Variants in C5 observed in about 807,000 individuals in gnomAD.
The protein encoded by C5 is complement C5.
A neutral mutation model predicts 218.8 loss-of-function variants in C5; 140 were observed. The observed-to-expected ratio is 0.64, with a 90% CI of 0.56 to 0.74. The LOEUF (loss-of-function observed/expected upper bound fraction) is 0.74, where lower values mean the gene tolerates loss of function less well. Among genes scored for constraint, C5 ranks in the 30% least tolerant of loss-of-function variants. The pLI is 0.00. For synonymous variants in C5, 614 were observed against 682.3 expected, an observed-to-expected ratio of 0.90 and a Z score of 1.56; for missense variants, 1,700 against 1,969.6, an observed-to-expected ratio of 0.86 and a Z score of 2.59.
At chr9:121,056,219 A>C in the C5 span, among the ~76,000 whole-genome samples, 1 of 152,258 alleles carries the variant, frequency 6.6e-6, no homozygotes, top group African/African-American at 2.4e-5. Context: ...CACAATTATC[A>C]AGAACATCCA....
chr9:120,993,424 T>C (rs990551206), intron 22 of C5, among the ~76,000 whole-genome samples: 2 of 151,904 alleles, frequency 1.3e-5, no homozygotes, highest in African/African-American at 4.8e-5. Flanking sequence ...AATAGAGTTA[T>C]ATATATATAT....
chr9:121,005,703 T>C (rs1335419886), intron 20 of C5, among the ~76,000 whole-genome samples: 2 of 152,216 alleles, frequency 1.3e-5, no homozygotes, highest in Admixed American at 1.3e-4. Context: ...ATTCTTTCAA[T>C]TGAAGTTACA....
At chr9:121,002,323 T>C (rs1464535223) in intron 20 of C5, among the ~76,000 whole-genome samples, 3 of 111,840 alleles carry the variant, frequency 2.7e-5, no homozygotes, top group African/African-American at 3.8e-5. Context: ...TGTGTATATA[T>C]ATATATATAT....
Position 120,989,623 on chromosome 9 carries a change from A to G in C5, c.3099T>C (p.Ile1033=). ...HYLETGNHWN[I]FHSDPLIEKQ... Reference sequence around the variant, plus strand: ...TTTCAATTAATGGGTCAGAATGAAAAATGTTCCAATGATTTCCTGTTTCCA... The same window carrying G: ...TTTCAATTAATGGGTCAGAATGAAAGATGTTCCAATGATTTCCTGTTTCCA... The change falls in exon 24 of 41, where the codon ATT becomes ATC. Residue 1033 remains isoleucine, a synonymous_variant. Coordinates refer to ENST00000223642, the MANE Select transcript of C5 (RefSeq NM_001735.3). 1 of 1,613,636 alleles carries G rather than the reference A, an allele frequency of 6.2e-7. No homozygotes were observed. The highest frequency in any genetic ancestry group is 8.5e-7 in the Non-Finnish European group (1 of 1,179,756).
intron 3 of C5, among the ~76,000 whole-genome samples, 157 bp from the exon 4 acceptor site, chr9:121,038,108 T>C (rs1488405816): frequency 6.6e-6 from 1 of 152,166 alleles, no homozygotes; most frequent in Non-Finnish European, 1.5e-5. Context: ...TGCAGACATA[T>C]ACATTACTAA....
intron 27 of C5, 53 bp from the exon 28 acceptor site, chr9:120,980,307 T>A: frequency 6.6e-7 from 1 of 1,505,824 alleles, no homozygotes; most frequent in Non-Finnish European, 9.2e-7. Context: ...CACCTATCAA[T>A]TGATATGAAC....
chr9:121,001,673 G>A (rs1276850897), intron 20 of C5, among the ~76,000 whole-genome samples: 1 of 152,050 alleles, frequency 6.6e-6, no homozygotes, highest in Non-Finnish European at 1.5e-5. Flanking sequence ...CTGTATAAGT[G>A]TTCATTGTAT....
chr9:120,995,881 C>T (rs545949782), intron 22 of C5, among the ~76,000 whole-genome samples: 16 of 149,504 alleles, frequency 1.1e-4, no homozygotes, highest in Middle Eastern at 3.5e-3. Flanking sequence ...TGCAGTGGCA[C>T]GATCTCAGCT....
chr9:121,041,675 G>A (rs1184105609), intron 3 of C5, among the ~76,000 whole-genome samples: 3 of 152,070 alleles, frequency 2.0e-5, no homozygotes, highest in African/African-American at 7.2e-5. Flanking sequence ...AAAGACTGAT[G>A]ACCCTTAGTT....
chr9:121,067,899 C>G, the C5 span, among the ~76,000 whole-genome samples: 17 of 152,238 alleles, frequency 1.1e-4, no homozygotes, highest in South Asian at 2.1e-3. Flanking sequence ...GTCAATTAAA[C>G]CTCTCTTCTT....
rs755663613 is a variant in C5, at chr9:120,952,803, G to A, written c.4967C>T (p.Ser1656Leu). The change falls in exon 41 of 41, where the codon TCG becomes TTG. Residue 1656 changes from serine (S) to leucine (L), a missense_variant. Physicochemically the swap from Ser to Leu is moderately radical, Grantham distance 145. Transcript: ENST00000223642. ...EYWPRDTTCSSCQAFLANLDE... is the reference protein window; with the variant it reads ...EYWPRDTTCSLCQAFLANLDE... ...TAAATTAGCTAAAAATGCTTGACACGATGAACATGTTGTGTCTCTAGGCCA... is the reference window on the plus strand; with the variant it reads ...TAAATTAGCTAAAAATGCTTGACACAATGAACATGTTGTGTCTCTAGGCCA... 5.6e-6 allele frequency: 9 copies of A among 1,612,402 alleles called. No individual in the cohort carries two copies. The highest frequency in any genetic ancestry group is 3.3e-5 in the Admixed American group (2 of 60,018).
intron 17 of C5, among the ~76,000 whole-genome samples, chr9:121,009,518 T>C (rs1483172132): frequency 6.6e-6 from 1 of 152,182 alleles, no homozygotes; most frequent in Non-Finnish European, 1.5e-5. Context: ...AGAGAGAGAC[T>C]TCTATCCAGC....
intron 2 of C5, 84 bp downstream of exon 2, chr9:121,046,107 G>T: frequency 1.5e-6 from 1 of 672,212 alleles, no homozygotes; most frequent in East Asian, 2.9e-5. Flanking sequence ...AAATCTATAT[G>T]TTATCAATAT....
chr9:121,032,063 A>G (rs765869199), intron 6 of C5, 50 bp downstream of exon 6: 2 of 1,219,170 alleles, frequency 1.6e-6, no homozygotes, highest in East Asian at 4.7e-5. Flanking sequence ...ACTCCATCTC[A>G]AAAACAAAAA....
At chr9:121,074,230 A>G in the C5 span, among the ~76,000 whole-genome samples, 3 of 152,218 alleles carry the variant, frequency 2.0e-5, no homozygotes, top group Non-Finnish European at 2.9e-5. Context: ...CACTTTAAAA[A>G]AAACTTCAGT....
intron 33 of C5, among the ~76,000 whole-genome samples, chr9:120,966,058 A>C (rs753122910): frequency 6.6e-6 from 1 of 152,218 alleles, no homozygotes; most frequent in Admixed American, 6.5e-5. Flanking sequence ...TCATGCTGGC[A>C]TTTTTTAATC....
chr9:121,032,077 A>C, intron 6 of C5, 36 bp downstream of exon 6: 1 of 1,367,644 alleles, frequency 7.3e-7, no homozygotes, highest in Non-Finnish European at 1.0e-6. Context: ...ACAAAAAACA[A>C]AAAGCAAAGA....
intron 9 of C5, among the ~76,000 whole-genome samples, chr9:121,024,102 C>T (rs2047391256): frequency 6.8e-6 from 1 of 146,786 alleles, no homozygotes; most frequent in Non-Finnish European, 1.5e-5. Flanking sequence ...TGCCTGTAAT[C>T]TCAGCTACTC....
At position 121,032,180 on chromosome 9, in the gene C5, C is replaced by A; in HGVS notation, c.600G>T (p.Thr200=). The A allele has an allele frequency of 6.2e-7, 1 of 1,600,848 alleles. No individual in the cohort carries two copies. The highest frequency in any genetic ancestry group is 1.1e-5 in the South Asian group (1 of 90,778). ...AGTCCTCTTTATATTTAGCCTTGAT[C>A]GTCCACATACCATATCTGTGGAAGC... The part of the protein sequence containing the change: ...IPSNPRYGMW[T]IKAKYKEDFS... The change falls in exon 6 of 41, where the codon ACG becomes ACT. Residue 200 remains threonine (T), a synonymous_variant. Coordinates refer to ENST00000223642, the MANE Select transcript of C5 (RefSeq NM_001735.3).
Sources: gnomAD v4.1 joint callset for allele counts (sites outside exome capture counted in the v4.1 genomes callset) on GRCh38, gnomAD v4.1.1 for gene constraint, MANE v1.5 for transcripts, NCBI Gene and HGNC (gene_info 2026-07-23, HGNC 2026-07-21) for gene names.